The following BRF1 variants were observed in gnomAD, a reference collection of about 807,000 sequenced individuals.
BRF1 encodes BRF1 general transcription factor IIIB subunit.
BRF1 carries 59 observed loss-of-function variants against 81.7 expected under a neutral mutation model. The observed-to-expected ratio is 0.72, with a 90% CI of 0.59 to 0.90. The LOEUF (loss-of-function observed/expected upper bound fraction) is 0.90. Among genes scored for constraint, BRF1 ranks in the 40% least tolerant of loss-of-function variants. BRF1 has a pLI of 0.00. For synonymous variants in BRF1, 491 were observed against 395.6 expected (o/e 1.24, Z -2.86); for missense variants, 1,050 against 936.3 (o/e 1.12, Z -1.58).
intron 1 of BRF1, among the ~76,000 whole-genome samples, chr14:105,313,378 C>T (rs932403114): frequency 3.3e-4 from 50 of 152,228 alleles, no homozygotes; most frequent in African/African-American, 1.2e-3. Context: ...GATCCACCGG[C>T]CCTCTGCCCG....
intron 4 of BRF1, chr14:105,256,154 T>C: frequency 6.8e-7 from 1 of 1,466,214 alleles, no homozygotes; most frequent in Non-Finnish European, 9.1e-7. Flanking sequence ...AAATGCAAGG[T>C]CAAAAGAAAT....
intron 5 of BRF1, chr14:105,249,139 G>C: frequency 1.3e-6 from 2 of 1,556,268 alleles, no homozygotes; most frequent in Non-Finnish European, 1.7e-6. Flanking sequence ...CCCCCAGCCC[G>C]TGCCTCTACC....
rs1355885544 is a variant in BRF1, at chr14:105,209,646, C to T, written c.*905G>A. 2.9e-6 allele frequency: 2 copies of T among 687,450 alleles called. No individual in the cohort carries two copies. Among genetic ancestry groups the T allele is most frequent in the East Asian group, 2.7e-5 (1 of 37,070 alleles). The allele number at this position is 687,450 out of a possible 1,614,324, so 42.6% of individuals were successfully genotyped here. A position where few individuals can be genotyped will look rare whatever the true frequency, so the allele number is the denominator to read the frequency against. Reference sequence around the variant, plus strand: ...TCTCGGGCCTCCGTCTGCCCTCCCTCCTCGATGGGGGGCCTGATCCAGCTC... The same window carrying T: ...TCTCGGGCCTCCGTCTGCCCTCCCTTCTCGATGGGGGGCCTGATCCAGCTC... On this transcript the variant is annotated 3_prime_UTR_variant, in exon 18 of 18. Transcript: ENST00000547530.
intron 4 of BRF1, among the ~76,000 whole-genome samples, chr14:105,255,814 G>C (rs918569533): frequency 1.3e-5 from 2 of 152,152 alleles, no homozygotes; most frequent in African/African-American, 4.8e-5. Context: ...TGTAATATAA[G>C]ATTTTTCTAC....
At chr14:105,291,662 C>T (rs2057517511) in intron 1 of BRF1, among the ~76,000 whole-genome samples, 1 of 151,828 alleles carries the variant, frequency 6.6e-6, no homozygotes, top group Admixed American at 6.6e-5. Context: ...TTTTTTTTAA[C>T]TGGAGACTTT....
At chr14:105,229,575 G>C (rs587693551) in intron 6 of BRF1, among the ~76,000 whole-genome samples, 331 of 152,370 alleles carry the variant, frequency 2.2e-3, no homozygotes, top group Non-Finnish European at 3.6e-3. Context: ...GGCAAAGTGA[G>C]AGTCTGAGTG....
At chr14:105,266,612 C>T (rs1312689909) in intron 3 of BRF1, among the ~76,000 whole-genome samples, 2 of 151,946 alleles carry the variant, frequency 1.3e-5, no homozygotes, top group Non-Finnish European at 2.9e-5. Context: ...AAAAGTCTAC[C>T]GCAGATACAT....
chr14:105,260,793 T>C (rs2056112332), intron 3 of BRF1, among the ~76,000 whole-genome samples: 1 of 152,270 alleles, frequency 6.6e-6, no homozygotes, highest in Non-Finnish European at 1.5e-5. Flanking sequence ...CACCTGGCAC[T>C]TGATCCGCAT....
intron 3 of BRF1, among the ~76,000 whole-genome samples, chr14:105,259,480 T>C (rs936248250): frequency 2.6e-5 from 4 of 152,078 alleles, no homozygotes; most frequent in African/African-American, 4.8e-5. Context: ...AAAAAACTTG[T>C]AGAAAAATGT....
chr14:105,224,521 C>G (rs1156368293), intron 10 of BRF1, among the ~76,000 whole-genome samples: 1 of 152,204 alleles, frequency 6.6e-6, no homozygotes, highest in Non-Finnish European at 1.5e-5. Flanking sequence ...GTTGGCAAAA[C>G]TCATCTTAAA....
chr14:105,283,949 C>G (rs2057216143), intron 2 of BRF1, among the ~76,000 whole-genome samples: 2 of 152,186 alleles, frequency 1.3e-5, no homozygotes, highest in African/African-American at 4.8e-5. Context: ...CCTGGAGGAA[C>G]TGTAAACGTG....
At chr14:105,281,912 G>A (rs587672183) in intron 2 of BRF1, among the ~76,000 whole-genome samples, 3 of 152,096 alleles carry the variant, frequency 2.0e-5, no homozygotes, top group South Asian at 2.1e-4. Flanking sequence ...TTTACTATGC[G>A]TGCTATACTA....
chr14:105,310,004 T>C (rs1468177727), intron 1 of BRF1, among the ~76,000 whole-genome samples: 1 of 151,556 alleles, frequency 6.6e-6, no homozygotes, highest in Non-Finnish European at 1.5e-5. Flanking sequence ...CAGGCTAGTT[T>C]TGAACTCCTG....
intron 6 of BRF1, among the ~76,000 whole-genome samples, chr14:105,229,497 C>A (rs587774530): frequency 2.0e-5 from 3 of 152,348 alleles, no homozygotes; most frequent in South Asian, 2.1e-4. Flanking sequence ...CCCTGCCGAC[C>A]TGGGGCTCCA....
chr14:105,253,218 C>T (rs587623535), intron 4 of BRF1, among the ~76,000 whole-genome samples: 44 of 152,320 alleles, frequency 2.9e-4, no homozygotes, highest in Middle Eastern at 3.4e-3. Context: ...GTGTGCAGAC[C>T]CTGTGCACAG....
intron 6 of BRF1, among the ~76,000 whole-genome samples, chr14:105,229,538 C>T (rs587726190): frequency 3.2e-4 from 48 of 152,292 alleles, no homozygotes; most frequent in South Asian, 6.2e-4. Context: ...GACCAGGCCA[C>T]GGCCACATCC....
chr14:105,250,826 A>G (rs2055563919), intron 5 of BRF1: 1 of 804,474 alleles, frequency 1.2e-6, no homozygotes, highest in South Asian at 1.8e-5. Context: ...TTTTCCACAC[A>G]GCCAGAACCC....
intron 16 of BRF1, 98 bp from the exon 17 acceptor site, chr14:105,211,391 C>A: frequency 8.7e-7 from 1 of 1,155,220 alleles, no homozygotes; most frequent in South Asian, 1.7e-5. Flanking sequence ...GATGCTCAGC[C>A]ACTCCCGCCA....
Position 105,228,837 on chromosome 14 carries a change from C to G in BRF1, c.771G>C (p.Glu257Asp). 4 of 1,613,940 alleles carry G rather than the reference C, an allele frequency of 2.5e-6. No individual in the cohort carries two copies. The highest frequency in any genetic ancestry group is 2.2e-5 in the South Asian group (2 of 91,092). ...KEVISVVKVC[E>D]STLRKRLTEF... is the part of the protein sequence containing the mutation. The stretch of plus-strand genomic sequence containing the variant: ...CCCCTCACCTCTTCCGCAGCGTGGA[C>G]TCACACACTTTGACCACACTGATGA... Residue 257 changes from glutamate (E) to aspartate (D), a missense_variant, in exon 7 of 18, where the codon GAG becomes GAC. Coordinates refer to ENST00000547530, the MANE Select transcript of BRF1 (RefSeq NM_001519.4).
Sources: gnomAD v4.1 joint callset for allele counts (sites outside exome capture counted in the v4.1 genomes callset) on GRCh38, gnomAD v4.1.1 for gene constraint, MANE v1.5 for transcripts, NCBI Gene and HGNC (gene_info 2026-07-23, HGNC 2026-07-21) for gene names.